The following DCC variants were observed in gnomAD, a reference collection of about 807,000 sequenced individuals.
DCC encodes DCC netrin 1 receptor, also known as netrin receptor DCC.
DCC carries 58 observed loss-of-function variants against 172.5 expected under a neutral mutation model. That is an observed-to-expected ratio of 0.34 (90% CI 0.27 to 0.42). The LOEUF (loss-of-function observed/expected upper bound fraction) is 0.42. DCC is among the 10% of genes least tolerant of loss of function. The probability of loss-of-function intolerance (pLI) is 1.00; values close to 1 mark genes in which losing one functional copy is unlikely to be tolerated. For synonymous variants in DCC, 709 were observed against 644.5 expected (o/e 1.10, Z -1.52); for missense variants, 1,740 against 1,791.0 (o/e 0.97, Z 0.51).
At chr18:52,432,717 T>C (rs575934532) in intron 1 of DCC, among the ~76,000 whole-genome samples, 1 of 152,306 alleles carries the variant, frequency 6.6e-6, no homozygotes, top group East Asian at 1.9e-4. Flanking sequence ...TAATCACTTA[T>C]GGACATTGCG....
At chr18:52,775,740 T>C (rs993113926) in intron 2 of DCC, among the ~76,000 whole-genome samples, 4 of 152,364 alleles carry the variant, frequency 2.6e-5, no homozygotes, top group African/African-American at 9.6e-5. Flanking sequence ...TGTGCTCCTC[T>C]TGACGTCTGG....
At chr18:53,426,321 T>C (rs1000226979) in intron 21 of DCC, among the ~76,000 whole-genome samples, 2 of 143,584 alleles carry the variant, frequency 1.4e-5, no homozygotes, top group African/African-American at 2.5e-5. Context: ...TATTATATAT[T>C]TATAAATTTT....
chr18:53,516,281 C>A lies in DCC; in HGVS notation c.4112-10336C>A, dbSNP rs1481723595. ...GCTGAAACTGGATCCCTTCCTTACA[C>A]CTTATACAAAAATCAATTCAAGATG... On this transcript the variant is annotated intron_variant, in intron 27 of 28. Coordinates refer to ENST00000442544, the MANE Select transcript of DCC (RefSeq NM_005215.4). 3.3e-5 allele frequency among the ~76,000 whole-genome samples: 5 copies of A among 149,376 alleles called. No individual in the cohort carries two copies. The South Asian group carries it at 6.3e-4, about 19-fold the overall frequency.
chr18:52,922,061 T>C (rs1227407530), intron 3 of DCC, among the ~76,000 whole-genome samples: 1 of 138,364 alleles, frequency 7.2e-6, no homozygotes, highest in African/African-American at 2.6e-5. Context: ...AAAAGTCACT[T>C]TGAAGAAAGG....
At chr18:53,347,550 A>C in intron 15 of DCC, among the ~76,000 whole-genome samples, 1 of 152,186 alleles carries the variant, frequency 6.6e-6, no homozygotes, top group East Asian at 1.9e-4. Flanking sequence ...TCTGAATTAC[A>C]TTTGGCACTA....
intron 12 of DCC, among the ~76,000 whole-genome samples, chr18:53,244,049 A>G (rs1448119525): frequency 6.6e-6 from 1 of 152,152 alleles, no homozygotes; most frequent in Non-Finnish European, 1.5e-5. Flanking sequence ...ACAGTTTTGT[A>G]TCATTAGATA....
intron 13 of DCC, among the ~76,000 whole-genome samples, chr18:53,311,266 C>T (rs1381661710): frequency 6.6e-6 from 1 of 152,056 alleles, no homozygotes; most frequent in East Asian, 1.9e-4. Flanking sequence ...GGATTACAGG[C>T]ATGCACCACC....
chr18:52,390,475 T>C (rs1985988995), intron 1 of DCC, among the ~76,000 whole-genome samples: 2 of 152,152 alleles, frequency 1.3e-5, no homozygotes, highest in African/African-American at 4.8e-5. Flanking sequence ...TGAACATTTT[T>C]ACCCTAATAA....
At chr18:52,450,865 GA>G (rs1442366067) in intron 1 of DCC, among the ~76,000 whole-genome samples, 1 of 152,020 alleles carries the variant, frequency 6.6e-6, no homozygotes, top group Non-Finnish European at 1.5e-5. Context: ...TTAACTTGAA[GA>G]AAATTAACCA....
chr18:52,503,263 C>T (rs939448052), intron 1 of DCC, among the ~76,000 whole-genome samples: 3 of 152,066 alleles, frequency 2.0e-5, no homozygotes, highest in African/African-American at 2.4e-5. Flanking sequence ...AGGACACTCT[C>T]GAGAGTAAAA....
At chr18:52,543,411 T>C (rs1030881658) in intron 1 of DCC, among the ~76,000 whole-genome samples, 1 of 152,204 alleles carries the variant, frequency 6.6e-6, no homozygotes, top group Non-Finnish European at 1.5e-5. Flanking sequence ...CAACATTTCC[T>C]CCATAGCTAC....
chr18:53,348,635 C>T (rs1289295181), intron 15 of DCC, among the ~76,000 whole-genome samples: 1 of 152,112 alleles, frequency 6.6e-6, no homozygotes, highest in Non-Finnish European at 1.5e-5. Context: ...TTCTCCACTG[C>T]CAGAAACTTC....
intron 1 of DCC, among the ~76,000 whole-genome samples, chr18:52,663,366 G>T (rs2035400079): frequency 6.6e-6 from 1 of 152,160 alleles, no homozygotes; most frequent in Non-Finnish European, 1.5e-5. Context: ...GGTGGTGCTA[G>T]AAGGGATGCT....
At chr18:52,750,740 C>G (rs2036981780) in intron 1 of DCC, among the ~76,000 whole-genome samples, 1 of 152,086 alleles carries the variant, frequency 6.6e-6, no homozygotes, top group African/African-American at 2.4e-5. Context: ...CCATCAGGAC[C>G]AGTATGAGTT....
At chr18:53,354,989 A>G (rs1194150273) in intron 15 of DCC, among the ~76,000 whole-genome samples, 1 of 152,124 alleles carries the variant, frequency 6.6e-6, no homozygotes, top group South Asian at 2.1e-4. Flanking sequence ...AGCTTTCTAC[A>G]TATGGCTAGC....
In DCC at chr18:52,634,654, G is replaced by A. The variant is rs527446961; in HGVS notation, c.92-117400G>A. ...AATTCTAATGACAATCATTATTACAGATTTTACTGATTGGTTTTATTTAAC... is the reference window on the plus strand; with the variant it reads ...AATTCTAATGACAATCATTATTACAAATTTTACTGATTGGTTTTATTTAAC... On this transcript the variant is annotated intron_variant, in intron 1 of 28. Coordinates refer to ENST00000442544, the MANE Select transcript of DCC (RefSeq NM_005215.4). Among the ~76,000 whole-genome samples the A allele has an allele frequency of 1.0e-3, 158 of 152,274 alleles. 2 individuals are homozygous for A. The highest frequency in any genetic ancestry group is 3.5e-3 in the Admixed American group (53 of 15,296).
intron 1 of DCC, among the ~76,000 whole-genome samples, chr18:52,388,973 A>G (rs1985925501): frequency 6.6e-6 from 1 of 152,124 alleles, no homozygotes; most frequent in Admixed American, 6.5e-5. Context: ...AGGACCGAGG[A>G]TAGCCATTCA....
intron 2 of DCC, among the ~76,000 whole-genome samples, chr18:52,774,922 A>G (rs554056806): frequency 1.3e-5 from 2 of 152,186 alleles, no homozygotes; most frequent in East Asian, 1.9e-4. Context: ...AACTCTTTAC[A>G]TTGTAAAGAA....
At chr18:52,865,487 C>T (rs905190396) in intron 2 of DCC, among the ~76,000 whole-genome samples, 5 of 152,158 alleles carry the variant, frequency 3.3e-5, no homozygotes, top group African/African-American at 9.7e-5. Context: ...TTTTCCACAT[C>T]CTCTCCAGCA....
Sources: gnomAD v4.1 joint callset for allele counts (sites outside exome capture counted in the v4.1 genomes callset) on GRCh38, gnomAD v4.1.1 for gene constraint, MANE v1.5 for transcripts, NCBI Gene and HGNC (gene_info 2026-07-23, HGNC 2026-07-21) for gene names.